The following RANBP17 variants were observed in gnomAD, a reference collection of about 807,000 sequenced individuals.
RANBP17 encodes RAN binding protein 17.
A neutral mutation model predicts 141.2 loss-of-function variants in RANBP17; 158 were observed. The ratio of observed to expected loss-of-function variants is 1.12; its 90% CI spans 0.98 to 1.28. The LOEUF (loss-of-function observed/expected upper bound fraction) is 1.28. Ranked by LOEUF, RANBP17 falls within the 50% of genes most tolerant of loss-of-function variation. The pLI is 0.00. For synonymous variants in RANBP17, 430 were observed against 450.0 expected (o/e 0.96, Z 0.56); for missense variants, 1,438 against 1,290.7 (o/e 1.11, Z -1.75).
intron 24 of RANBP17, among the ~76,000 whole-genome samples, chr5:171,251,454 C>A (rs1157483309): frequency 2.0e-5 from 3 of 151,326 alleles, no homozygotes; most frequent in African/African-American, 7.3e-5. Context: ...GAAATCAATA[C>A]CAAGAGGAAC....
intron 14 of RANBP17, among the ~76,000 whole-genome samples, chr5:171,109,257 C>G (rs1265961563): frequency 6.6e-6 from 1 of 152,140 alleles, no homozygotes; most frequent in Non-Finnish European, 1.5e-5. Context: ...TTATGAATTT[C>G]AAATTATCTA....
intron 22 of RANBP17, among the ~76,000 whole-genome samples, chr5:171,222,632 T>C (rs943440645): frequency 1.3e-5 from 2 of 152,186 alleles, no homozygotes; most frequent in Admixed American, 1.3e-4. Context: ...TTGCCTGTTA[T>C]TCTTTTTTTT....
Position 170,918,872 on chromosome 5 carries a change from A to G in RANBP17, c.1101+13A>G, listed in dbSNP as rs1406807412. Reference sequence around the variant, plus strand: ...TACTAGCCTACAGGTAGGTAAAAATATGTAATTATGTTAAACTGTAGCCAG... The same window carrying G: ...TACTAGCCTACAGGTAGGTAAAAATGTGTAATTATGTTAAACTGTAGCCAG... On this transcript the variant is annotated intron_variant, in intron 10 of 27. Transcript: ENST00000523189. 2.0e-6 allele frequency: 3 copies of G among 1,530,154 alleles called. No homozygotes were observed. Among genetic ancestry groups the G allele is most frequent in the African/African-American group, 1.4e-5 (1 of 71,388 alleles). 94.8% of individuals were successfully genotyped at this position (1,530,154 alleles called of 1,614,324 possible). A position where few individuals can be genotyped will look rare whatever the true frequency, so the allele number is the denominator to read the frequency against.
intron 13 of RANBP17, among the ~76,000 whole-genome samples, chr5:170,959,090 C>T (rs1775947544): frequency 6.6e-6 from 1 of 152,198 alleles, no homozygotes; most frequent in Non-Finnish European, 1.5e-5. Context: ...ATGTAATCCA[C>T]TAGTGCTAGT....
chr5:171,260,462 C>CA (rs531075409), intron 24 of RANBP17, among the ~76,000 whole-genome samples: 787 of 51,102 alleles, frequency 0.015, 12 homozygotes, highest in African/African-American at 0.041. Flanking sequence ...GACTCCGTCT[C>CA]AAAAAAAAAA....
chr5:170,899,814 A>G (rs929542280), intron 5 of RANBP17, among the ~76,000 whole-genome samples: 1 of 152,188 alleles, frequency 6.6e-6, no homozygotes, highest in Non-Finnish European at 1.5e-5. Context: ...GTGATGGATT[A>G]TGTTTATTGA....
At chr5:171,252,578 C>A (rs1765642954) in intron 24 of RANBP17, 1 of 1,353,470 alleles carries the variant, frequency 7.4e-7, no homozygotes, top group African/African-American at 1.4e-5. Context: ...ATGATTCTAG[C>A]TCCACACCTG....
At chr5:170,901,676 A>C (rs538420051) in intron 5 of RANBP17, among the ~76,000 whole-genome samples, 11 of 151,944 alleles carry the variant, frequency 7.2e-5, no homozygotes, top group Admixed American at 2.6e-4. Flanking sequence ...TCCTTTCCAT[A>C]TTTCGTGCTT....
intron 14 of RANBP17, among the ~76,000 whole-genome samples, chr5:171,155,315 TAGAG>T (rs1034250049): frequency 1.3e-5 from 2 of 151,640 alleles, no homozygotes; most frequent in Non-Finnish European, 2.9e-5. Flanking sequence ...ATGTAGGAGG[TAGAG>T]AAAGTAGCCA....
chr5:171,277,167 A>G (rs1944619924), intron 25 of RANBP17, among the ~76,000 whole-genome samples: 1 of 151,536 alleles, frequency 6.6e-6, no homozygotes, highest in East Asian at 1.9e-4. Flanking sequence ...ATTTATGTCT[A>G]TTTCACACAT....
intron 24 of RANBP17, among the ~76,000 whole-genome samples, chr5:171,248,662 G>T (rs1289008610): frequency 1.3e-5 from 2 of 152,186 alleles, no homozygotes; most frequent in Non-Finnish European, 2.9e-5. Context: ...CACCCTTCCA[G>T]ACCTGAAAAG....
intron 14 of RANBP17, among the ~76,000 whole-genome samples, chr5:171,140,841 G>T (rs1757639448): frequency 6.6e-6 from 1 of 152,158 alleles, no homozygotes; most frequent in Non-Finnish European, 1.5e-5. Context: ...TTACATTACT[G>T]TGAAGGGTAG....
At chr5:170,973,371 G>A (rs1777126187) in intron 14 of RANBP17, among the ~76,000 whole-genome samples, 1 of 152,034 alleles carries the variant, frequency 6.6e-6, no homozygotes, top group Admixed American at 6.6e-5. Context: ...ATGAAAAGCA[G>A]AATACTATGA....
chr5:171,195,185 C>G (rs982257891), intron 18 of RANBP17, among the ~76,000 whole-genome samples: 1 of 152,044 alleles, frequency 6.6e-6, no homozygotes, highest in African/African-American at 2.4e-5. Context: ...GGTTTCTGTA[C>G]CTTTGTCTTA....
At chr5:170,990,632 T>G (rs1309089001) in intron 14 of RANBP17, among the ~76,000 whole-genome samples, 1 of 151,954 alleles carries the variant, frequency 6.6e-6, no homozygotes, top group African/African-American at 2.4e-5. Context: ...CGCTTCACAC[T>G]GACAGGTGGT....
intron 20 of RANBP17, 72 bp downstream of exon 20, chr5:171,205,684 T>C (rs1468154051): frequency 1.7e-6 from 2 of 1,172,192 alleles, no homozygotes; most frequent in Non-Finnish European, 2.6e-6. Context: ...TTTCGTTTAA[T>C]AGTATGGCAC....
chr5:171,109,904 T>C (rs1332552454), intron 14 of RANBP17, among the ~76,000 whole-genome samples: 1 of 152,104 alleles, frequency 6.6e-6, no homozygotes, highest in Non-Finnish European at 1.5e-5. Context: ...GATGATAGGA[T>C]AGAGTTTTAA....
chr5:171,241,466 T>C (rs1445661069), intron 23 of RANBP17, among the ~76,000 whole-genome samples: 1 of 152,130 alleles, frequency 6.6e-6, no homozygotes, highest in African/African-American at 2.4e-5. Context: ...CTGGAAGGCC[T>C]TTGTTAGTCA....
chr5:171,083,369 G>A (rs1048367920), intron 14 of RANBP17, among the ~76,000 whole-genome samples: 3 of 152,088 alleles, frequency 2.0e-5, no homozygotes, highest in African/African-American at 7.2e-5. Context: ...TTGGTAGTCT[G>A]CAACCCAGAA....
Sources: gnomAD v4.1 joint callset for allele counts (sites outside exome capture counted in the v4.1 genomes callset) on GRCh38, gnomAD v4.1.1 for gene constraint, MANE v1.5 for transcripts, NCBI Gene and HGNC (gene_info 2026-07-23, HGNC 2026-07-21) for gene names.